Variants in ASTN2 observed in about 807,000 individuals in gnomAD.
The protein encoded by ASTN2 is astrotactin-2.
A neutral mutation model predicts 139.8 loss-of-function variants in ASTN2; 54 were observed. The observed-to-expected ratio is 0.39, with a 90% confidence interval of 0.31 to 0.48. The LOEUF is 0.48. Among genes scored for constraint, ASTN2 ranks in the 20% least tolerant of loss-of-function variants. The pLI, the probability that ASTN2 is intolerant of heterozygous loss-of-function variation, is 0.95. For synonymous variants in ASTN2, 756 were observed against 719.5 expected (o/e 1.05, Z -0.81); for missense variants, 1,565 against 1,725.1 (o/e 0.91, Z 1.64).
intron 13 of ASTN2, among the ~76,000 whole-genome samples, chr9:116,743,216 C>T (rs1296095384): frequency 6.6e-6 from 1 of 152,032 alleles, no homozygotes; most frequent in African/African-American, 2.4e-5. Context: ...GTGGACTAAA[C>T]GTTTACCCTA....
intron 1 of ASTN2, among the ~76,000 whole-genome samples, chr9:117,294,123 G>T (rs912576662): frequency 1.3e-5 from 2 of 152,248 alleles, no homozygotes; most frequent in Admixed American, 6.5e-5. Flanking sequence ...GGTCTCAGAA[G>T]GTTAGTGACT....
At chr9:117,230,801 A>G (rs1219361023) in intron 2 of ASTN2, among the ~76,000 whole-genome samples, 6 of 152,192 alleles carry the variant, frequency 3.9e-5, no homozygotes. Flanking sequence ...GAAAGGTAGC[A>G]TCATCAGCAA....
intron 5 of ASTN2, among the ~76,000 whole-genome samples, chr9:117,078,197 T>C (rs1828330933): frequency 6.6e-6 from 1 of 152,224 alleles, no homozygotes; most frequent in Non-Finnish European, 1.5e-5. Context: ...ATAGCCTTTA[T>C]AAGTCATGTA....
intron 3 of ASTN2, among the ~76,000 whole-genome samples, chr9:117,200,456 T>C (rs890124930): frequency 2.0e-5 from 3 of 152,182 alleles, no homozygotes; most frequent in Non-Finnish European, 2.9e-5. Context: ...TCAAAGGGAA[T>C]GCTTCCAGCT....
At chr9:117,096,008 A>C (rs1470182969) in intron 5 of ASTN2, 36 bp downstream of exon 5, 2 of 1,582,470 alleles carry the variant, frequency 1.3e-6, no homozygotes, top group African/African-American at 2.7e-5. Flanking sequence ...TCCTTCTACA[A>C]ACTCTGGTTC....
At chr9:117,239,546 T>C (rs1236798812) in intron 2 of ASTN2, among the ~76,000 whole-genome samples, 1 of 152,170 alleles carries the variant, frequency 6.6e-6, no homozygotes, top group African/African-American at 2.4e-5. Context: ...AATAAAGAGC[T>C]AACATTTGCA....
At chr9:117,198,284 G>T (rs887564401) in intron 3 of ASTN2, among the ~76,000 whole-genome samples, 5 of 152,030 alleles carry the variant, frequency 3.3e-5, no homozygotes, top group African/African-American at 4.8e-5. Flanking sequence ...GTGGGGTTTG[G>T]TTTTCTCTTC....
chr9:117,215,096 G>A (rs1390132868), intron 2 of ASTN2, among the ~76,000 whole-genome samples: 1 of 152,100 alleles, frequency 6.6e-6, no homozygotes, highest in African/African-American at 2.4e-5. Flanking sequence ...TGGCAGGAAG[G>A]GTCAGTGCTG....
At chr9:116,501,685 C>CACACA (rs1849858621) in intron 19 of ASTN2, among the ~76,000 whole-genome samples, 1 of 151,048 alleles carries the variant, frequency 6.6e-6, no homozygotes, top group Non-Finnish European at 1.5e-5. Context: ...GGGAACATCA[C>CACACA]ACTCTGGGGA....
At chr9:116,508,225 A>G (rs1325916814) in intron 19 of ASTN2, among the ~76,000 whole-genome samples, 1 of 152,176 alleles carries the variant, frequency 6.6e-6, no homozygotes, top group Non-Finnish European at 1.5e-5. Context: ...TTACGTACAC[A>G]ACAGGGATAG....
chr9:117,104,884 T>A (rs947965568), intron 4 of ASTN2, among the ~76,000 whole-genome samples: 3 of 152,184 alleles, frequency 2.0e-5, no homozygotes, highest in Non-Finnish European at 4.4e-5. Flanking sequence ...TATGGCCATC[T>A]CAGAGGGGGA....
At chr9:116,495,298 T>C (rs1228678151) in intron 19 of ASTN2, among the ~76,000 whole-genome samples, 3 of 152,202 alleles carry the variant, frequency 2.0e-5, no homozygotes, top group Admixed American at 6.5e-5. Flanking sequence ...AGTTTTCCTT[T>C]GGGGAACCAG....
intron 19 of ASTN2, among the ~76,000 whole-genome samples, chr9:116,557,300 G>A (rs1301349052): frequency 6.7e-6 from 1 of 149,404 alleles, no homozygotes; most frequent in Non-Finnish European, 1.5e-5. Context: ...AATTTTGAGA[G>A]TACATCACTA....
At chr9:117,401,076 C>T (rs1383867213) in intron 1 of ASTN2, among the ~76,000 whole-genome samples, 1 of 152,160 alleles carries the variant, frequency 6.6e-6, no homozygotes, top group Non-Finnish European at 1.5e-5. Flanking sequence ...GTGCCGGGTA[C>T]TGCTGAACAT....
chr9:117,289,723 T>C (rs1171294060), intron 2 of ASTN2, among the ~76,000 whole-genome samples: 1 of 152,200 alleles, frequency 6.6e-6, no homozygotes, highest in Non-Finnish European at 1.5e-5. Context: ...AGATGGTGCT[T>C]ATAAATTTGC....
chr9:117,036,622 G>A (rs752499232), intron 6 of ASTN2, among the ~76,000 whole-genome samples: 1 of 152,118 alleles, frequency 6.6e-6, no homozygotes, highest in Non-Finnish European at 1.5e-5. Context: ...CAGATACCAG[G>A]CAATCAGGAG....
In ASTN2 at chr9:116,688,298, G is replaced by T. The variant is rs539357455; in HGVS notation, c.2807-36505C>A. ...GGTTTGGAGAGGATTGAATCGTGGG[G>T]TGGAGATGTCCTAACTGGGCTATAA... On this transcript the variant is annotated intron_variant, in intron 16 of 22. Coordinates refer to ENST00000313400, the MANE Select transcript of ASTN2 (RefSeq NM_001365068.1). 2.0e-5 allele frequency among the ~76,000 whole-genome samples: 3 copies of T among 152,218 alleles called. No homozygotes were observed. The South Asian group carries it at 6.2e-4, about 32-fold the overall frequency.
At chr9:117,304,363 CACCT>C (rs1170277405) in intron 1 of ASTN2, among the ~76,000 whole-genome samples, 1 of 152,290 alleles carries the variant, frequency 6.6e-6, no homozygotes, top group East Asian at 1.9e-4. Flanking sequence ...TTTCATGCTT[CACCT>C]ACCCTCTCCT....
intron 2 of ASTN2, among the ~76,000 whole-genome samples, chr9:117,227,439 T>C (rs1411348780): frequency 1.3e-5 from 2 of 152,144 alleles, no homozygotes; most frequent in African/African-American, 2.4e-5. Flanking sequence ...GTAATTCTTT[T>C]TGGAGTGTAT....
Sources: allele counts gnomAD v4.1 joint callset (sites outside exome capture counted in the v4.1 genomes callset), GRCh38; gene constraint gnomAD v4.1.1; transcripts MANE v1.5; gene names NCBI Gene and HGNC (gene_info 2026-07-23, HGNC 2026-07-21).